The following TMEM131L variants were observed in gnomAD, a reference collection of about 807,000 sequenced individuals.
TMEM131L encodes the protein transmembrane protein 131-like.
A neutral mutation model predicts 192.2 loss-of-function variants in TMEM131L; 54 were observed. The observed-to-expected ratio is 0.28, with a 90% CI of 0.23 to 0.35. TMEM131L has a LOEUF of 0.35. Among genes scored for constraint, TMEM131L ranks in the 10% least tolerant of loss-of-function variants. The pLI is 1.00. For synonymous variants in TMEM131L, 701 were observed against 704.9 expected, an observed-to-expected ratio of 0.99 and a Z score of 0.09; for missense variants, 1,888 against 1,972.9, an observed-to-expected ratio of 0.96 and a Z score of 0.82.
rs1733713602 is a variant in TMEM131L, at chr4:153,624,788, T to C, written c.4046-1359T>C. ...TCTCCTCATGGGCTGTTCTACATGA[T>C]GAACACAAGCCATAGAGAATTTCCT... On this transcript the variant is annotated intron_variant, in intron 29 of 34. Coordinates refer to ENST00000409959, the MANE Select transcript of TMEM131L (RefSeq NM_001131007.2). Among the ~76,000 whole-genome samples, 3 of 152,294 alleles carry C rather than the reference T, an allele frequency of 2.0e-5. No homozygotes were observed. The South Asian group carries it at 6.2e-4, about 32-fold the overall frequency.
intron 3 of TMEM131L, among the ~76,000 whole-genome samples, chr4:153,548,015 C>G (rs1002802265): frequency 1.8e-4 from 25 of 139,930 alleles, no homozygotes; most frequent in Non-Finnish European, 3.6e-4. Context: ...CATGAAGTTG[C>G]CTGTTTTTTT....
At chr4:153,586,174 G>A in intron 13 of TMEM131L, 35 bp from the exon 14 acceptor site, 2 of 1,463,096 alleles carry the variant, frequency 1.4e-6, no homozygotes, top group Non-Finnish European at 1.8e-6. Flanking sequence ...ATTAGTGTTA[G>A]GAAAAGTAAT....
In TMEM131L at chr4:153,510,092, A is replaced by G. The variant is rs574595353; in HGVS notation, c.239+36204A>G. ...AAATTTTGATACCTGACTCTCATTTATGAAAGAATCTGTGTATGAAATAGC... is the reference window on the plus strand; with the variant it reads ...AAATTTTGATACCTGACTCTCATTTGTGAAAGAATCTGTGTATGAAATAGC... On this transcript the variant is annotated intron_variant, in intron 3 of 34. Transcript: ENST00000409959. 4.6e-4 allele frequency among the ~76,000 whole-genome samples: 70 copies of G among 152,344 alleles called. 1 individual carries two copies. The South Asian group carries it at 0.014, about 31-fold the overall frequency.
intron 7 of TMEM131L, among the ~76,000 whole-genome samples, chr4:153,573,046 C>A (rs987853795): frequency 1.3e-5 from 2 of 152,158 alleles, no homozygotes; most frequent in Admixed American, 6.5e-5. Flanking sequence ...GAATTTTATT[C>A]CTTTTTAAGG....
rs556287818 is a variant in TMEM131L at position 153,591,206 on chromosome 4, G to A, written c.1812+12G>A. Reference sequence around the variant, plus strand: ...TTAGGAGCAGGATGGTGAGGACAGTGTGTCTTTTCATTTCTTTGTCAGTGA... The same window carrying A: ...TTAGGAGCAGGATGGTGAGGACAGTATGTCTTTTCATTTCTTTGTCAGTGA... On this transcript the variant is annotated intron_variant, in intron 17 of 34. Coordinates refer to ENST00000409959, the MANE Select transcript of TMEM131L (RefSeq NM_001131007.2). 85 of 1,573,672 alleles carry A rather than the reference G, an allele frequency of 5.4e-5. No individual in the cohort carries two copies. The South Asian group carries it at 6.0e-4, about 11-fold the overall frequency.
chr4:153,470,606 G>T lies in TMEM131L; in HGVS notation c.196-3239G>T, dbSNP rs778807916. On this transcript the variant is annotated intron_variant, in intron 2 of 34. Transcript: ENST00000409959. ...CTGACTGTACTTGAACACACTGAAT[G>T]CAAAGTGGTGATGGTGTGGAAACCA... Among the ~76,000 whole-genome samples the T allele has an allele frequency of 3.1e-4, 47 of 152,214 alleles. 1 individual carries two copies. Among genetic ancestry groups the T allele is most frequent in the Non-Finnish European group, 6.2e-4 (42 of 68,030 alleles).
chr4:153,629,631 T>C (rs1252769672), intron 31 of TMEM131L, among the ~76,000 whole-genome samples: 1 of 152,222 alleles, frequency 6.6e-6, no homozygotes. Flanking sequence ...TGGAAACCCC[T>C]GTAATCTGGC....
chr4:153,525,092 A>G (rs542985166), intron 3 of TMEM131L, among the ~76,000 whole-genome samples: 3 of 152,346 alleles, frequency 2.0e-5, no homozygotes, highest in East Asian at 1.9e-4. Context: ...CACACTGTCC[A>G]GGTATTTGAC....
intron 3 of TMEM131L, among the ~76,000 whole-genome samples, chr4:153,543,129 C>T (rs1736919239): frequency 2.0e-5 from 3 of 152,176 alleles, no homozygotes; most frequent in Admixed American, 2.0e-4. Context: ...AAGCCTGAAG[C>T]TTTCTACAGT....
chr4:153,625,174 G>C (rs144063230), intron 29 of TMEM131L, among the ~76,000 whole-genome samples: 3,645 of 152,286 alleles, frequency 0.024, 89 homozygotes, highest in Admixed American at 0.082. Flanking sequence ...CACTTTGGGA[G>C]GCCGAAGCAG....
At chr4:153,474,866 C>T (rs567329139) in intron 3 of TMEM131L, among the ~76,000 whole-genome samples, 1 of 152,190 alleles carries the variant, frequency 6.6e-6, no homozygotes, top group East Asian at 1.9e-4. Flanking sequence ...CTGTGAATTC[C>T]ATTTTTAAGA....
intron 3 of TMEM131L, among the ~76,000 whole-genome samples, chr4:153,501,581 T>C (rs1396644739): frequency 6.6e-6 from 1 of 152,142 alleles, no homozygotes; most frequent in Non-Finnish European, 1.5e-5. Flanking sequence ...TCTCAGGGTA[T>C]GTGTGCAGGT....
chr4:153,583,773 G>C, intron 11 of TMEM131L, 101 bp downstream of exon 11: 1 of 699,474 alleles, frequency 1.4e-6, no homozygotes, highest in South Asian at 1.8e-5. Context: ...TCAAAAAAGT[G>C]AAGGGAATGC....
intron 3 of TMEM131L, among the ~76,000 whole-genome samples, chr4:153,476,344 AATTTAT>A: frequency 6.6e-6 from 1 of 152,184 alleles, no homozygotes; most frequent in East Asian, 1.9e-4. Flanking sequence ...CTGAAATTTC[AATTTAT>A]ATTTATAGTC....
At chr4:153,493,431 C>T (rs999416901) in intron 3 of TMEM131L, among the ~76,000 whole-genome samples, 7 of 150,564 alleles carry the variant, frequency 4.6e-5, no homozygotes, top group Admixed American at 2.0e-4. Context: ...GAGGCCAAGG[C>T]GGGTGGATCA....
intron 13 of TMEM131L, among the ~76,000 whole-genome samples, 183 bp from the exon 14 acceptor site, chr4:153,586,026 G>GTCA (rs1172869098): frequency 2.0e-5 from 3 of 152,078 alleles, no homozygotes; most frequent in South Asian, 2.1e-4. Flanking sequence ...TTAAAACAGT[G>GTCA]TCATCTTAAG....
At chr4:153,476,147 T>A (rs1731521590) in intron 3 of TMEM131L, among the ~76,000 whole-genome samples, 1 of 151,986 alleles carries the variant, frequency 6.6e-6, no homozygotes, top group African/African-American at 2.4e-5. Flanking sequence ...TTAGTAGAGA[T>A]GAGGTTTCAC....
At chr4:153,568,432 T>C (rs1055609029) in intron 7 of TMEM131L, among the ~76,000 whole-genome samples, 25 of 152,224 alleles carry the variant, frequency 1.6e-4, no homozygotes, top group Admixed American at 3.3e-4. Flanking sequence ...CTTGTCTCTT[T>C]TTATTTTTTT....
At position 153,603,472 on chromosome 4, in the gene TMEM131L, G is replaced by A. The variant is rs994055336; in HGVS notation, c.2789+20G>A. Reference sequence around the variant, plus strand: ...TTACAAGTAAGAATTCTTATAGTGTGGTTGGGAGCGGGGGCGGTTTCTCAC... The same window carrying A: ...TTACAAGTAAGAATTCTTATAGTGTAGTTGGGAGCGGGGGCGGTTTCTCAC... On this transcript the variant is annotated intron_variant, in intron 24 of 34. Transcript: ENST00000409959. The A allele has an allele frequency of 1.9e-6, 3 of 1,600,474 alleles. No individual in the cohort carries two copies. The African/African-American group carries it at 4.0e-5, about 22-fold the overall frequency.
Sources: gnomAD v4.1 joint callset for allele counts (sites outside exome capture counted in the v4.1 genomes callset) on GRCh38, gnomAD v4.1.1 for gene constraint, MANE v1.5 for transcripts, NCBI Gene and HGNC (gene_info 2026-07-23, HGNC 2026-07-21) for gene names.